COL18A1: variants seen among roughly 807,000 people sequenced by gnomAD.
COL18A1 encodes the protein collagen type XVIII alpha 1 chain.
A neutral mutation model predicts 168.0 loss-of-function variants in COL18A1; 133 were observed. The observed-to-expected ratio is 0.79, with a 90% CI of 0.69 to 0.91. The LOEUF (loss-of-function observed/expected upper bound fraction) is 0.91. Among genes scored for constraint, COL18A1 ranks in the 40% least tolerant of loss-of-function variants. COL18A1 has a pLI of 0.00. For synonymous variants in COL18A1, 949 were observed against 809.0 expected, an observed-to-expected ratio of 1.17 and a Z score of -2.94; for missense variants, 2,126 against 1,925.4, an observed-to-expected ratio of 1.10 and a Z score of -1.95.
chr21:45,483,281 A>G (rs963188235), intron 15 of COL18A1, among the ~76,000 whole-genome samples: 1 of 152,036 alleles, frequency 6.6e-6, no homozygotes, highest in East Asian at 1.9e-4. Context: ...CAGGCTCATG[A>G]GCATCTGGGG....
At chr21:45,470,420 C>A (rs565244631) in intron 3 of COL18A1, among the ~76,000 whole-genome samples, 4 of 81,682 alleles carry the variant, frequency 4.9e-5, no homozygotes, top group Admixed American at 2.3e-4. Context: ...GCCTTTTTAC[C>A]TTGTCTTTTT....
intron 3 of COL18A1, among the ~76,000 whole-genome samples, chr21:45,469,182 C>T (rs1427256620): frequency 6.6e-6 from 1 of 152,226 alleles, no homozygotes; most frequent in Non-Finnish European, 1.5e-5. Context: ...CAGGCCTGTG[C>T]CAAGCCCTGT....
chr21:45,430,661 G>T (rs147285715), intron 2 of COL18A1, among the ~76,000 whole-genome samples: 11 of 152,214 alleles, frequency 7.2e-5, no homozygotes, highest in African/African-American at 7.2e-5. Flanking sequence ...TGGAGATGGC[G>T]CGTCTCGGCC....
At chr21:45,476,554 G>A (rs1010020619) in intron 6 of COL18A1, 74 bp downstream of exon 6, 54 of 1,515,070 alleles carry the variant, frequency 3.6e-5, no homozygotes, top group Non-Finnish European at 4.6e-5. Flanking sequence ...TTGTGTGATG[G>A]TGAGGTATGT....
Position 45,486,959 on chromosome 21 carries a change from T to A in COL18A1, c.1800T>A (p.Pro600=). The A allele has an allele frequency of 2.0e-6, 3 of 1,499,890 alleles. No individual in the cohort carries two copies. Among genetic ancestry groups the A allele is most frequent in the Non-Finnish European group, 1.8e-6 (2 of 1,127,632 alleles). 92.9% of individuals were successfully genotyped at this position (1,499,890 alleles called of 1,614,324 possible). A position where few individuals can be genotyped will look rare whatever the true frequency, so the allele number is the denominator to read the frequency against. ...PAGPPGPPGP[P]GPPGPGLPAG... is the part of the protein sequence containing the mutation. ...GACCACCAGGCCCCCCTGGGCCCCC[T>A]GGGCCCCCAGGACCAGGACTCCCCG... is the stretch of plus-strand genomic sequence containing the variant. Residue 600 remains proline, a synonymous_variant, in exon 16 of 42, where the codon CCT becomes CCA. Transcript: ENST00000651438.
At position 45,412,874 on chromosome 21, in the gene COL18A1, A is replaced by G. The variant is rs910614509; in HGVS notation, c.106+7401A>G. The stretch of plus-strand genomic sequence containing the variant: ...CTGTCAGGAAGCCTGGCCGTCATCT[A>G]TGGTCCTCTTTGCCCTCATGGGTGG... On this transcript the variant is annotated intron_variant, in intron 2 of 41. Transcript: ENST00000651438. Among the ~76,000 whole-genome samples, 7 of 152,322 alleles carry G rather than the reference A, an allele frequency of 4.6e-5. No individual in the cohort carries two copies. In the East Asian group the frequency reaches 9.6e-4, roughly 21 times the overall value.
chr21:45,442,508 G>T (rs923164921), intron 2 of COL18A1, among the ~76,000 whole-genome samples: 2 of 152,242 alleles, frequency 1.3e-5, no homozygotes, highest in Non-Finnish European at 2.9e-5. Flanking sequence ...CCTGGACATC[G>T]TAGTCTCTGT....
At chr21:45,451,032 G>A (rs979644632) in intron 2 of COL18A1, among the ~76,000 whole-genome samples, 1 of 152,232 alleles carries the variant, frequency 6.6e-6, no homozygotes, top group East Asian at 1.9e-4. Context: ...GACAGGGCCC[G>A]ACTCTGCAGG....
At chr21:45,408,729 C>T (rs929772332) in intron 2 of COL18A1, among the ~76,000 whole-genome samples, 2 of 152,212 alleles carry the variant, frequency 1.3e-5, no homozygotes, top group African/African-American at 4.8e-5. Context: ...CTCCCACCCC[C>T]GCTCACTGTG....
At position 45,492,553 on chromosome 21, in the gene COL18A1, C is replaced by G; in HGVS notation, c.2176C>G (p.Pro726Ala). 6.2e-7 allele frequency: 1 copy of G among 1,613,240 alleles called. No homozygotes were observed. The highest frequency in any genetic ancestry group is 8.5e-7 in the Non-Finnish European group (1 of 1,180,002). The change falls in exon 23 of 42, where the codon CCG becomes GCG. Residue 726 changes from proline to alanine, a missense_variant. Physicochemically the swap from Pro to Ala is conservative, Grantham distance 27 (BLOSUM62 -1). Transcript: ENST00000651438. ...SEQDGSVLSVPGPEGRPGFAG... is the reference protein window; with the variant it reads ...SEQDGSVLSVAGPEGRPGFAG... The stretch of plus-strand genomic sequence containing the variant: ...TGGACAGGGATCCGTCCTGAGCGTG[C>G]CGGGACCTGAGGTATGTGCCTGCCC...
intron 22 of COL18A1, 89 bp downstream of exon 22, chr21:45,491,403 CATCCCCCAG>C (rs1461157209): frequency 1.6e-5 from 11 of 708,580 alleles, no homozygotes; most frequent in African/African-American, 1.1e-4. Context: ...CACACCCCCA[CATCCCCCAG>C]GTCAGGACAG....
chr21:45,509,981 T>C, intron 39 of COL18A1, 83 bp from the exon 40 acceptor site: 2 of 1,458,140 alleles, frequency 1.4e-6, no homozygotes, highest in Admixed American at 2.1e-5. Flanking sequence ...TCCACACAGG[T>C]GCGGGGCCGG....
At chr21:45,505,720 A>G in intron 36 of COL18A1, 118 bp from the exon 37 acceptor site, 1 of 856,892 alleles carries the variant, frequency 1.2e-6, no homozygotes, top group Non-Finnish European at 1.9e-6. Context: ...GCCTCAGTCC[A>G]CACCTGTCCA....
At chr21:45,447,751 C>A (rs541615808) in intron 2 of COL18A1, among the ~76,000 whole-genome samples, 1 of 152,154 alleles carries the variant, frequency 6.6e-6, no homozygotes, top group Non-Finnish European at 1.5e-5. Flanking sequence ...TTGAAAATAT[C>A]TGCTTTGTTT....
At chr21:45,479,834 A>T in intron 9 of COL18A1, 68 bp from the exon 10 acceptor site, 4 of 1,605,046 alleles carry the variant, frequency 2.5e-6, no homozygotes, top group Non-Finnish European at 8.5e-7. Flanking sequence ...GGGGAGGAGC[A>T]CTGAGAGTGC....
intron 18 of COL18A1, 92 bp downstream of exon 18, chr21:45,488,536 T>G: frequency 6.3e-7 from 1 of 1,576,138 alleles, no homozygotes; most frequent in Non-Finnish European, 8.7e-7. Flanking sequence ...TTGCCTCGGG[T>G]TTTCTGATGG....
Position 45,491,262 on chromosome 21 carries a change from T to TCCCTGGCCCCCCCGGACCC in COL18A1, c.2108_2126dup (p.Gly710TrpfsTer26). On this transcript the variant is annotated frameshift_variant, in exon 22 of 42. Coordinates refer to ENST00000651438, the MANE Select transcript of COL18A1 (RefSeq NM_001379500.1). LOFTEE classifies it high-confidence loss of function. ...AAGGACGGAGTCGGGCAGCCGGGCCTCCCTGGCCCCCCCGGACCCCCGGGA... is the reference window on the plus strand; with the variant it reads ...AAGGACGGAGTCGGGCAGCCGGGCCTCCCTGGCCCCCCCGGACCCCCCTGGCCCCCCCGGACCCCCGGGA... 6.2e-7 allele frequency: 1 copy of TCCCTGGCCCCCCCGGACCC among 1,612,392 alleles called. No individual in the cohort carries two copies. Among genetic ancestry groups the TCCCTGGCCCCCCCGGACCC allele is most frequent in the Non-Finnish European group, 8.5e-7 (1 of 1,179,756 alleles).
intron 32 of COL18A1, chr21:45,502,383 C>T (rs533324218): frequency 6.6e-6 from 1 of 152,190 alleles, no homozygotes; most frequent in Non-Finnish European, 1.5e-5. Context: ...TCTCCGTTGA[C>T]AAAATTACAG....
At position 45,498,905 on chromosome 21, in the gene COL18A1, CGGAA is replaced by C. The variant is rs2036640566; in HGVS notation, c.2683+1245_2683+1248del. 1.3e-5 allele frequency among the ~76,000 whole-genome samples: 2 copies of C among 152,152 alleles called. No individual in the cohort carries two copies. Among genetic ancestry groups the C allele is most frequent in the Non-Finnish European group, 2.9e-5 (2 of 68,032 alleles). The stretch of plus-strand genomic sequence containing the variant: ...GTCAGGATGAACCTGGGGCTGAAGG[CGGAA>C]CAGTTGGAGATTGAGACCTGTGTAT... On this transcript the variant is annotated intron_variant, in intron 32 of 41. Coordinates refer to ENST00000651438, the MANE Select transcript of COL18A1 (RefSeq NM_001379500.1). The surrounding 1 kb of genome is among the most constrained non-coding windows in gnomAD (Gnocchi z 4.5).
Sources: gnomAD v4.1 joint callset for allele counts (sites outside exome capture counted in the v4.1 genomes callset) on GRCh38, gnomAD v4.1.1 for gene constraint, Gnocchi (gnomAD v3.1) non-coding constraint, MANE v1.5 for transcripts, NCBI Gene and HGNC (gene_info 2026-07-23, HGNC 2026-07-21) for gene names.